Variants in ATP10D observed in about 807,000 individuals in gnomAD.
ATP10D encodes the protein ATPase phospholipid transporting 10D (putative).
Under a neutral mutation model 144.8 loss-of-function variants are expected in ATP10D, and 89 were observed. The ratio of observed to expected loss-of-function variants is 0.61; its 90% CI spans 0.52 to 0.73. The LOEUF is 0.73. ATP10D is among the 30% of genes least tolerant of loss of function. The pLI, the probability that ATP10D is intolerant of heterozygous loss-of-function variation, is 0.00. For missense variants in ATP10D, 1,603 were observed against 1,714.8 expected (o/e 0.93, Z 1.15); for synonymous variants, 571 against 615.1 (o/e 0.93, Z 1.06).
At chr4:47,526,377 A>G (rs1159759068) in intron 5 of ATP10D, among the ~76,000 whole-genome samples, 1 of 152,232 alleles carries the variant, frequency 6.6e-6, no homozygotes, top group Non-Finnish European at 1.5e-5. Context: ...TACAAAATCT[A>G]ACTTTCATTC....
In ATP10D at chr4:47,535,691, G is replaced by A. The variant is rs1251994767; in HGVS notation, c.883+76G>A. 21 of 1,474,562 alleles carry A rather than the reference G, an allele frequency of 1.4e-5. No homozygotes were observed. In the Admixed American group the frequency reaches 3.4e-4, roughly 24 times the overall value. The allele number at this position is 1,474,562 out of a possible 1,614,324, so 91.3% of individuals were successfully genotyped here. ...TAACATTTTTCATTTACTCAAAAAT[G>A]CAATCTGTTGAAGCAGAAAGGAAAT... On this transcript the variant is annotated intron_variant, in intron 6 of 22. Coordinates refer to ENST00000273859, the MANE Select transcript of ATP10D (RefSeq NM_020453.4).
chr4:47,590,747 A>T (rs759437933), intron 22 of ATP10D, among the ~76,000 whole-genome samples: 3 of 152,140 alleles, frequency 2.0e-5, no homozygotes, highest in Admixed American at 6.6e-5. Context: ...TTAACCTAAC[A>T]TTAAGCCTAT....
chr4:47,566,563 C>G (rs912506320), intron 15 of ATP10D, among the ~76,000 whole-genome samples: 24 of 152,120 alleles, frequency 1.6e-4, no homozygotes, highest in Admixed American at 1.1e-3. Context: ...TGTGATTTCT[C>G]TAAGTACAGC....
Position 47,536,441 on chromosome 4 carries a change from T to G in ATP10D, c.1020T>G (p.His340Gln). The G allele has an allele frequency of 6.2e-7, 1 of 1,612,958 alleles. No homozygotes were observed. Among genetic ancestry groups the G allele is most frequent in the Non-Finnish European group, 8.5e-7 (1 of 1,179,500 alleles). Residue 340 changes from histidine (H) to glutamine (Q), a missense_variant, in exon 8 of 23, where the codon CAT becomes CAG. Physicochemically the swap from His to Gln is conservative, Grantham distance 24 (BLOSUM62 0). Coordinates refer to ENST00000273859, the MANE Select transcript of ATP10D (RefSeq NM_020453.4). ...TGTCTGTGTATTTTTTGAAAGGTCA[T>G]GGAATCTGGCTGAGCAGGTATGAAA... ...VIMCLTGAVG[H>Q]GIWLSRYEKM... is the part of the protein sequence containing the mutation.
intron 1 of ATP10D, among the ~76,000 whole-genome samples, chr4:47,494,981 T>G (rs919689819): frequency 7.9e-5 from 12 of 152,190 alleles, no homozygotes; most frequent in African/African-American, 2.9e-4. Context: ...AGCCAGACAT[T>G]TATAAGGTAA....
chr4:47,562,689 G>C (rs1719378958), intron 14 of ATP10D, among the ~76,000 whole-genome samples: 1 of 151,938 alleles, frequency 6.6e-6, no homozygotes, highest in African/African-American at 2.4e-5. Context: ...CCCACTACTG[G>C]GTATCTACCC....
intron 3 of ATP10D, among the ~76,000 whole-genome samples, chr4:47,519,865 C>A (rs1201510723): frequency 6.6e-6 from 1 of 152,172 alleles, no homozygotes; most frequent in Non-Finnish European, 1.5e-5. Flanking sequence ...CTATCTTAAT[C>A]ATTTTTGTGT....
At chr4:47,493,608 T>C (rs1182472241) in intron 1 of ATP10D, among the ~76,000 whole-genome samples, 1 of 152,234 alleles carries the variant, frequency 6.6e-6, no homozygotes, top group Admixed American at 6.5e-5. Context: ...CATGGGTTTA[T>C]GAATGAGCAT....
intron 10 of ATP10D, among the ~76,000 whole-genome samples, chr4:47,550,545 T>A (rs1577674817): frequency 6.6e-6 from 1 of 152,072 alleles, no homozygotes; most frequent in Non-Finnish European, 1.5e-5. Flanking sequence ...GCTTCCAAAA[T>A]GGTGGCGGGC....
chr4:47,587,079 G>A lies in ATP10D; in HGVS notation c.3814G>A (p.Val1272Ile). The A allele has an allele frequency of 6.2e-7, 1 of 1,614,040 alleles. No individual in the cohort carries two copies. Among genetic ancestry groups the A allele is most frequent in the Non-Finnish European group, 8.5e-7 (1 of 1,179,958 alleles). ...CTTGTCTTATTTTTTATTTGCCATA[G>A]TTTTTGGAGCCATGTGTGTAACTTG... ...SILSYFLFAI[V>I]FGAMCVTCNP... Residue 1272 changes from valine to isoleucine, a missense_variant, in exon 22 of 23, where the codon GTT (valine) becomes ATT (isoleucine). Transcript: ENST00000273859.
In ATP10D at chr4:47,550,382, G is replaced by A. The variant is rs1251934351; in HGVS notation, c.1635+3520G>A. Reference sequence around the variant, plus strand: ...ACTATTAGAGGGCAAAGGGAGTTTTGGCCAGTTTTTACTTGTTAATTTGAA... The same window carrying A: ...ACTATTAGAGGGCAAAGGGAGTTTTAGCCAGTTTTTACTTGTTAATTTGAA... On this transcript the variant is annotated intron_variant, in intron 10 of 22. Coordinates refer to ENST00000273859, the MANE Select transcript of ATP10D (RefSeq NM_020453.4). 2.6e-5 allele frequency among the ~76,000 whole-genome samples: 4 copies of A among 152,134 alleles called. No individual in the cohort carries two copies. In the South Asian group the frequency reaches 6.2e-4, roughly 24 times the overall value.
chr4:47,590,970 A>C, intron 22 of ATP10D, 72 bp from the exon 23 acceptor site: 5 of 1,037,356 alleles, frequency 4.8e-6, no homozygotes, highest in Admixed American at 3.1e-5. Context: ...TTAATTCGTT[A>C]GTATTTGGGG....
intron 1 of ATP10D, among the ~76,000 whole-genome samples, chr4:47,495,798 T>C (rs1318656308): frequency 1.3e-5 from 2 of 150,886 alleles, no homozygotes; most frequent in Non-Finnish European, 3.0e-5. Context: ...AGTGCAATGG[T>C]GCAATCTCGG....
chr4:47,504,672 G>C (rs1379005551), intron 1 of ATP10D, among the ~76,000 whole-genome samples: 6 of 151,936 alleles, frequency 3.9e-5, no homozygotes, highest in Non-Finnish European at 5.9e-5. Context: ...ACGCCATTCT[G>C]CTGCCTCAGC....
chr4:47,533,941 T>C (rs949761463), intron 5 of ATP10D, among the ~76,000 whole-genome samples: 7 of 152,168 alleles, frequency 4.6e-5, no homozygotes, highest in Non-Finnish European at 8.8e-5. Context: ...TTATCACACC[T>C]GACAAAACTT....
intron 14 of ATP10D, among the ~76,000 whole-genome samples, chr4:47,562,247 A>G (rs747535425): frequency 2.8e-4 from 43 of 152,214 alleles, no homozygotes; most frequent in Non-Finnish European, 5.7e-4. Context: ...TATCTGAAAA[A>G]TGTTTGAATT....
intron 1 of ATP10D, among the ~76,000 whole-genome samples, chr4:47,496,281 C>T (rs1048562385): frequency 2.0e-5 from 3 of 151,652 alleles, no homozygotes; most frequent in East Asian, 2.0e-4. Context: ...CCTCAGCCTC[C>T]GGAGTAGCTG....
At chr4:47,578,849 A>T (rs1459485947) in intron 19 of ATP10D, among the ~76,000 whole-genome samples, 1 of 152,224 alleles carries the variant, frequency 6.6e-6, no homozygotes, top group African/African-American at 2.4e-5. Context: ...ACGAAGGGAT[A>T]AAAAAGGATA....
At chr4:47,502,471 TAA>T (rs5858075) in intron 1 of ATP10D, among the ~76,000 whole-genome samples, 20 of 141,428 alleles carry the variant, frequency 1.4e-4, no homozygotes, top group Middle Eastern at 4.0e-3. Flanking sequence ...CTACGTCTCA[TAA>T]AAAAAAAAAA....
Sources: allele counts gnomAD v4.1 joint callset (sites outside exome capture counted in the v4.1 genomes callset), GRCh38; gene constraint gnomAD v4.1.1; transcripts MANE v1.5; gene names NCBI Gene and HGNC (gene_info 2026-07-23, HGNC 2026-07-21).